OR6C75: variants seen among roughly 807,000 people sequenced by gnomAD.
OR6C75 encodes olfactory receptor 6C75.
For synonymous variants in OR6C75, 149 were observed against 130.6 expected, an observed-to-expected ratio of 1.14 and a Z score of -0.96; for missense variants, 380 against 368.0, an observed-to-expected ratio of 1.03 and a Z score of -0.27.
intron 2 of OR6C75, among the ~76,000 whole-genome samples, chr12:55,364,312 CTTTTTTTTTTTTTTT>C (rs59247539): frequency 1.7e-4 from 3 of 17,172 alleles, no homozygotes; most frequent in Admixed American, 1.3e-3. Context: ...GTTTCTTTTC[CTTTTTTTTTTTTTTT>C]TTTTTTTTTT....
chr12:55,365,850 C>T lies in OR6C75; in HGVS notation c.740C>T (p.Ser247Phe), dbSNP rs144862332. ...TGCTCCTCCCATATGATAGTTGTCT[C>T]CATCTCTTACAGTAGCTGTATCTTC... is the stretch of plus-strand genomic sequence containing the variant. Reference protein sequence around the residue: ...STCSSHMIVVSISYSSCIFMY... With the variant: ...STCSSHMIVVFISYSSCIFMY... Residue 247 changes from serine (S) to phenylalanine (F), a missense_variant, in exon 3 of 3, where the codon TCC (serine) becomes TTC (phenylalanine). Transcript: ENST00000641576. The T allele has an allele frequency of 1.2e-6, 2 of 1,613,820 alleles. No homozygotes were observed. The highest frequency in any genetic ancestry group is 8.5e-7 in the Non-Finnish European group (1 of 1,179,936).
rs923513467 is a variant in OR6C75, at chr12:55,367,616, C to G, written c.*1567C>G. The G allele has an allele frequency of 1.3e-5, 2 of 152,142 alleles. No homozygotes were observed. The highest frequency in any genetic ancestry group is 4.8e-5 in the African/African-American group (2 of 41,428). The allele number at this position is 152,142 out of a possible 1,614,324, so 9.4% of individuals were successfully genotyped here. ...AAGACAAGGATGTCCCCTCTCAGCA[C>G]TCCTATTCAACATAGTACTGAAAGC... is the stretch of plus-strand genomic sequence containing the variant. On this transcript the variant is annotated 3_prime_UTR_variant, in exon 3 of 3. Coordinates refer to ENST00000641576, the MANE Select transcript of OR6C75 (RefSeq NM_001005497.2).
rs1405534931 is a variant in OR6C75, at chr12:55,369,134, A to G, written c.*3085A>G. ...AACTACATGATAGATAGATAGATAA[A>G]GAGAGATAGAGGGAAAGAGAGGGAA... On this transcript the variant is annotated 3_prime_UTR_variant, in exon 3 of 3. Transcript: ENST00000641576. 3 of 151,900 alleles carry G rather than the reference A, an allele frequency of 2.0e-5. No homozygotes were observed. The highest frequency in any genetic ancestry group is 6.6e-5 in the Admixed American group (1 of 15,248). The allele number at this position is 151,900 out of a possible 1,614,324, so 9.4% of individuals were successfully genotyped here. A position where few individuals can be genotyped will look rare whatever the true frequency, so the allele number is the denominator to read the frequency against.
At position 55,365,789 on chromosome 12, in the gene OR6C75, C is replaced by G; in HGVS notation, c.679C>G (p.Pro227Ala). The change falls in exon 3 of 3, where the codon CCT (proline) becomes GCT (alanine). Residue 227 changes from proline (P) to alanine (A), a missense_variant. Transcript: ENST00000641576. ...TNIIRTILKI[P>A]SMSQRKKAFS... ...CATCATCCGGACAATTCTGAAAATT[C>G]CTTCTATGAGTCAAAGGAAAAAAGC... 6.2e-7 allele frequency: 1 copy of G among 1,613,884 alleles called. No individual in the cohort carries two copies.
chr12:55,365,846 G>T lies in OR6C75; in HGVS notation c.736G>T (p.Val246Phe). 6.2e-7 allele frequency: 1 copy of T among 1,613,724 alleles called. No individual in the cohort carries two copies. Among genetic ancestry groups the T allele is most frequent in the Non-Finnish European group, 8.5e-7 (1 of 1,179,952 alleles). ...CACTTGCTCCTCCCATATGATAGTT[G>T]TCTCCATCTCTTACAGTAGCTGTAT... ...FSTCSSHMIVVSISYSSCIFM... is the reference protein window; with the variant it reads ...FSTCSSHMIVFSISYSSCIFM... Residue 246 changes from valine (V) to phenylalanine (F), a missense_variant, in exon 3 of 3, where the codon GTC (valine) becomes TTC (phenylalanine). Coordinates refer to ENST00000641576, the MANE Select transcript of OR6C75 (RefSeq NM_001005497.2).
chr12:55,368,759 G>A lies in OR6C75; in HGVS notation c.*2710G>A, dbSNP rs1391119535. On this transcript the variant is annotated 3_prime_UTR_variant, in exon 3 of 3. Transcript: ENST00000641576. Reference sequence around the variant, plus strand: ...AGCTTTGTCTGATATACAGGTGAATGTAAAGAGCTCTACAGGTTTTCTAAG... The same window carrying A: ...AGCTTTGTCTGATATACAGGTGAATATAAAGAGCTCTACAGGTTTTCTAAG... 6.6e-6 allele frequency: 1 copy of A among 152,124 alleles called. No homozygotes were observed. The highest frequency in any genetic ancestry group is 1.5e-5 in the Non-Finnish European group (1 of 68,030). 9.4% of individuals were successfully genotyped at this position (152,124 alleles called of 1,614,324 possible). A position where few individuals can be genotyped will look rare whatever the true frequency, so the allele number is the denominator to read the frequency against.
In OR6C75 at chr12:55,365,898, G is replaced by C. The variant is rs772724954; in HGVS notation, c.788G>C (p.Arg263Thr). The C allele has an allele frequency of 1.2e-6, 2 of 1,613,820 alleles. No homozygotes were observed. Among genetic ancestry groups the C allele is most frequent in the African/African-American group, 2.7e-5 (2 of 74,906 alleles). ...CIFMYIKTSA[R>T]ERVTLSKGVA... is the part of the protein sequence containing the mutation. ...TTCATGTACATTAAGACTTCTGCCA[G>C]AGAAAGGGTGACTTTAAGCAAAGGA... is the stretch of plus-strand genomic sequence containing the variant. The change falls in exon 3 of 3, where the codon AGA becomes ACA. Residue 263 changes from arginine to threonine, a missense_variant. Transcript: ENST00000641576.
At position 55,366,278 on chromosome 12, in the gene OR6C75, T is replaced by C; in HGVS notation, c.*229T>C. The C allele has an allele frequency of 2.7e-6, 1 of 375,262 alleles. No homozygotes were observed. The highest frequency in any genetic ancestry group is 4.8e-6 in the Non-Finnish European group (1 of 208,832). 23.2% of individuals were successfully genotyped at this position (375,262 alleles called of 1,614,324 possible). ...CTATGTAACTAAATTTTAGGTAAATTAATAATTACTATGGTTTATTGAGGG... is the reference window on the plus strand; with the variant it reads ...CTATGTAACTAAATTTTAGGTAAATCAATAATTACTATGGTTTATTGAGGG... On this transcript the variant is annotated 3_prime_UTR_variant, in exon 3 of 3. Coordinates refer to ENST00000641576, the MANE Select transcript of OR6C75 (RefSeq NM_001005497.2).
rs774222923 is a variant in OR6C75 at position 55,365,179 on chromosome 12, TG to T, written c.70del (p.Val24TyrfsTer12). The T allele has an allele frequency of 2.5e-6, 4 of 1,613,382 alleles. No individual in the cohort carries two copies. Among genetic ancestry groups the T allele is most frequent in the Admixed American group, 1.7e-5 (1 of 59,918 alleles). ...TGACAAGTGACCCACAGTGGCAGGT[TG>T]TACTTTTCATATTTCTTCTTGTTAC... ...GLTSDPQWQV[V>X]LFIFLLVTYM... On this transcript the variant is annotated frameshift_variant, in exon 3 of 3. Coordinates refer to ENST00000641576, the MANE Select transcript of OR6C75 (RefSeq NM_001005497.2). LOFTEE classifies it low-confidence loss of function (END_TRUNC).
chr12:55,363,495 A>T (rs1378249449), intron 1 of OR6C75, among the ~76,000 whole-genome samples: 1 of 152,046 alleles, frequency 6.6e-6, no homozygotes, highest in African/African-American at 2.4e-5. Context: ...TCTATATACC[A>T]TTATCAGGGA....
In OR6C75 at chr12:55,365,378, AT is replaced by A. The variant is rs1294312527; in HGVS notation, c.271del (p.Ser91LeufsTer17). The A allele has an allele frequency of 1.9e-6, 3 of 1,613,268 alleles. No individual in the cohort carries two copies. The highest frequency in any genetic ancestry group is 2.5e-6 in the Non-Finnish European group (3 of 1,179,684). ...CACTGTTGTGACAGGAAACAGAACC[AT>A]TTCTTATAATGGGTGTGTGGCTCAG... The part of the protein sequence containing the change: ...LVTVVTGNRT[I>X]SYNGCVAQLF... On this transcript the variant is annotated frameshift_variant, in exon 3 of 3. Transcript: ENST00000641576. LOFTEE classifies it low-confidence loss of function (END_TRUNC).
chr12:55,363,182 T>C (rs568900043), intron 1 of OR6C75, 133 bp downstream of exon 1: 4 of 152,254 alleles, frequency 2.6e-5, no homozygotes, highest in African/African-American at 9.6e-5. Flanking sequence ...ATTTTGGATA[T>C]TTTGTTACAA....
At position 55,366,547 on chromosome 12, in the gene OR6C75, T is replaced by C. The variant is rs1869810684; in HGVS notation, c.*498T>C. 6.6e-6 allele frequency: 1 copy of C among 152,164 alleles called. No homozygotes were observed. Among genetic ancestry groups the C allele is most frequent in the African/African-American group, 2.4e-5 (1 of 41,464 alleles). 9.4% of individuals were successfully genotyped at this position (152,164 alleles called of 1,614,324 possible). A position where few individuals can be genotyped will look rare whatever the true frequency, so the allele number is the denominator to read the frequency against. On this transcript the variant is annotated 3_prime_UTR_variant, in exon 3 of 3. Transcript: ENST00000641576. ...ACTATGAAATTAATTTTATATGAAATGTTTAAACTATGTATCTTAATTAAT... is the reference window on the plus strand; with the variant it reads ...ACTATGAAATTAATTTTATATGAAACGTTTAAACTATGTATCTTAATTAAT...
At position 55,365,569 on chromosome 12, in the gene OR6C75, C is replaced by A. The variant is rs1869778253; in HGVS notation, c.459C>A (p.Ile153=). The change falls in exon 3 of 3, where the codon ATC becomes ATA. Residue 153 remains isoleucine (I), a synonymous_variant. Transcript: ENST00000641576. The stretch of plus-strand genomic sequence containing the variant: ...GCTCCTGGCTTGCAGGGTTTCTGAT[C>A]ATCTTTCCACCAGTAATGCTTCTGC... ...VFSSWLAGFL[I]IFPPVMLLLQ... 1 of 1,613,986 alleles carries A rather than the reference C, an allele frequency of 6.2e-7. No homozygotes were observed. The highest frequency in any genetic ancestry group is 2.2e-5 in the East Asian group (1 of 44,874).
Position 55,365,676 on chromosome 12 carries a change from ACACT to A in OR6C75, c.571_574del (p.His191PhefsTer2), listed in dbSNP as rs1455592500. ...CCAATGCTGCAGCTCTCTTGCACAAACACTCACTTTCTAGAACTCATGGCATTTT... is the reference window on the plus strand; with the variant it reads ...CCAATGCTGCAGCTCTCTTGCACAAACACTTTCTAGAACTCATGGCATTTT... On this transcript the variant is annotated frameshift_variant, in exon 3 of 3. Transcript: ENST00000641576. LOFTEE classifies it low-confidence loss of function (END_TRUNC). The A allele has an allele frequency of 1.2e-6, 2 of 1,614,102 alleles. No individual in the cohort carries two copies. The highest frequency in any genetic ancestry group is 1.1e-5 in the South Asian group (1 of 91,072).
rs1028907323 is a variant in OR6C75 at position 55,368,750 on chromosome 12, C to G, written c.*2701C>G. On this transcript the variant is annotated 3_prime_UTR_variant, in exon 3 of 3. Coordinates refer to ENST00000641576, the MANE Select transcript of OR6C75 (RefSeq NM_001005497.2). Reference sequence around the variant, plus strand: ...TTGATTTTCAGCTTTGTCTGATATACAGGTGAATGTAAAGAGCTCTACAGG... The same window carrying G: ...TTGATTTTCAGCTTTGTCTGATATAGAGGTGAATGTAAAGAGCTCTACAGG... The G allele has an allele frequency of 1.3e-5, 2 of 152,090 alleles. No individual in the cohort carries two copies. The highest frequency in any genetic ancestry group is 4.8e-5 in the African/African-American group (2 of 41,418). The allele number at this position is 152,090 out of a possible 1,614,324, so 9.4% of individuals were successfully genotyped here. A position where few individuals can be genotyped will look rare whatever the true frequency, so the allele number is the denominator to read the frequency against.
Position 55,364,868 on chromosome 12 carries a change from T to TA in OR6C75, c.-235-8_-235-7insA. On this transcript the variant is annotated splice_polypyrimidine_tract_variant and splice_region_variant and intron_variant, in intron 2 of 2. Transcript: ENST00000641576. Reference sequence around the variant, plus strand: ...AAGATATTGAATATATATATATGTATTAAATAGATAGATGCATCAGCGGAT... The same window carrying TA: ...AAGATATTGAATATATATATATGTATATAAATAGATAGATGCATCAGCGGAT... 2.1e-6 allele frequency: 1 copy of TA among 465,616 alleles called. No homozygotes were observed. Among genetic ancestry groups the TA allele is most frequent in the Non-Finnish European group, 3.8e-6 (1 of 266,084 alleles). 28.8% of individuals were successfully genotyped at this position (465,616 alleles called of 1,614,324 possible). A position where few individuals can be genotyped will look rare whatever the true frequency, so the allele number is the denominator to read the frequency against.
In OR6C75 at chr12:55,366,682, T is replaced by C. The variant is rs1158319788; in HGVS notation, c.*633T>C. 2 of 152,142 alleles carry C rather than the reference T, an allele frequency of 1.3e-5. No individual in the cohort carries two copies. The highest frequency in any genetic ancestry group is 2.9e-5 in the Non-Finnish European group (2 of 68,006). 9.4% of individuals were successfully genotyped at this position (152,142 alleles called of 1,614,324 possible). On this transcript the variant is annotated 3_prime_UTR_variant, in exon 3 of 3. Coordinates refer to ENST00000641576, the MANE Select transcript of OR6C75 (RefSeq NM_001005497.2). ...CAATAAAATGTAGTTAAAATGTGTG[T>C]AAACATTAAATAAAAGTGTAAGACA...
rs1869835849 is a variant in OR6C75, at chr12:55,367,734, T to C, written c.*1685T>C. The stretch of plus-strand genomic sequence containing the variant: ...TTATCTCCGTTTACTGAAAATATAA[T>C]CCTGTACCTAAAAAACTTTAAAGGT... On this transcript the variant is annotated 3_prime_UTR_variant, in exon 3 of 3. Transcript: ENST00000641576. 1 of 152,112 alleles carries C rather than the reference T, an allele frequency of 6.6e-6. No homozygotes were observed. Among genetic ancestry groups the C allele is most frequent in the Admixed American group, 6.6e-5 (1 of 15,262 alleles). The allele number at this position is 152,112 out of a possible 1,614,324, so 9.4% of individuals were successfully genotyped here.
Sources: allele counts gnomAD v4.1 joint callset (sites outside exome capture counted in the v4.1 genomes callset), GRCh38; gene constraint gnomAD v4.1.1; transcripts MANE v1.5; gene names NCBI Gene and HGNC (gene_info 2026-07-23, HGNC 2026-07-21).